Variants in GPC5 observed in about 807,000 individuals in gnomAD.
The protein encoded by GPC5 is glypican 5.
In GPC5, 47 loss-of-function variants were observed where a neutral mutation model predicts 53.9. The ratio of observed to expected loss-of-function variants is 0.87; its 90% CI spans 0.69 to 1.11. The LOEUF (loss-of-function observed/expected upper bound fraction) is 1.11. Ranked by LOEUF, GPC5 falls within the 50% of genes most tolerant of loss-of-function variation. GPC5 has a pLI of 0.00. For missense variants in GPC5, 748 were observed against 713.1 expected (o/e 1.05, Z -0.56); for synonymous variants, 286 against 263.3 (o/e 1.09, Z -0.84).
chr13:92,328,971 A>T (rs1239082486), intron 7 of GPC5, among the ~76,000 whole-genome samples: 1 of 151,926 alleles, frequency 6.6e-6, no homozygotes, highest in Non-Finnish European at 1.5e-5. Context: ...CTGCCATGCA[A>T]CTCCTGATTT....
chr13:92,220,209 C>G (rs1178977363), intron 7 of GPC5, among the ~76,000 whole-genome samples: 1 of 152,002 alleles, frequency 6.6e-6, no homozygotes. Flanking sequence ...TACTTGAGCA[C>G]CAGCCTCTAG....
At chr13:91,469,930 C>T (rs1882503983) in intron 2 of GPC5, among the ~76,000 whole-genome samples, 2 of 152,098 alleles carry the variant, frequency 1.3e-5, no homozygotes, top group African/African-American at 4.8e-5. Flanking sequence ...ATTCCAGCTT[C>T]TCAGGAGGCT....
At chr13:91,789,830 T>C (rs887047985) in intron 5 of GPC5, among the ~76,000 whole-genome samples, 1 of 152,156 alleles carries the variant, frequency 6.6e-6, no homozygotes, top group Non-Finnish European at 1.5e-5. Flanking sequence ...AGTTTAAGCT[T>C]GGATAGCTGC....
intron 6 of GPC5, among the ~76,000 whole-genome samples, chr13:91,931,373 G>A (rs1247843890): frequency 5.3e-5 from 8 of 151,992 alleles, no homozygotes; most frequent in Non-Finnish European, 7.4e-5. Flanking sequence ...TATAATTTTA[G>A]GATGGTTTCA....
At chr13:92,647,089 C>T (rs1417500721) in intron 7 of GPC5, among the ~76,000 whole-genome samples, 7 of 151,770 alleles carry the variant, frequency 4.6e-5, no homozygotes, top group Non-Finnish European at 2.9e-5. Context: ...TTTGTTTTTC[C>T]CAGACTGCAT....
chr13:92,489,637 TA>T (rs1879684775), intron 7 of GPC5, among the ~76,000 whole-genome samples: 2 of 152,146 alleles, frequency 1.3e-5, no homozygotes. Context: ...AGTTTGCCAT[TA>T]AGCTTGCCAT....
chr13:92,820,423 T>C (rs1877634163), intron 7 of GPC5, among the ~76,000 whole-genome samples: 1 of 152,196 alleles, frequency 6.6e-6, no homozygotes, highest in Non-Finnish European at 1.5e-5. Context: ...CTGAATTGCA[T>C]CTTGTTCACA....
intron 5 of GPC5, among the ~76,000 whole-genome samples, chr13:91,868,777 G>T (rs1331617541): frequency 3.3e-5 from 5 of 152,056 alleles, no homozygotes. Context: ...GAGGGGAAGT[G>T]GGGTATTTAT....
At chr13:92,019,734 G>A (rs974301627) in intron 6 of GPC5, among the ~76,000 whole-genome samples, 1 of 151,984 alleles carries the variant, frequency 6.6e-6, no homozygotes, top group Non-Finnish European at 1.5e-5. Flanking sequence ...TAAAAGAGAT[G>A]GCATTTGGTG....
chr13:92,243,464 C>G (rs950841361), intron 7 of GPC5, among the ~76,000 whole-genome samples: 12 of 152,056 alleles, frequency 7.9e-5, no homozygotes, highest in African/African-American at 2.4e-4. Context: ...GAGGCGTGAG[C>G]ATGGCTTGGG....
chr13:92,104,145 T>TACTG (rs2041488828), intron 6 of GPC5, among the ~76,000 whole-genome samples: 2 of 152,070 alleles, frequency 1.3e-5, no homozygotes, highest in East Asian at 3.9e-4. Flanking sequence ...ACAATGAAAA[T>TACTG]ACTGAGAATG....
intron 1 of GPC5, among the ~76,000 whole-genome samples, chr13:91,437,609 A>G (rs898440565): frequency 6.6e-6 from 1 of 152,048 alleles, no homozygotes; most frequent in Non-Finnish European, 1.5e-5. Context: ...CTTCATTTCA[A>G]CTTTGGTGAA....
chr13:92,728,763 C>A (rs867617167), intron 7 of GPC5, among the ~76,000 whole-genome samples: 1 of 151,236 alleles, frequency 6.6e-6, no homozygotes, highest in Admixed American at 6.6e-5. Flanking sequence ...AATTTCGAAC[C>A]ATTTTAATTC....
At chr13:92,716,579 C>A (rs1888333156) in intron 7 of GPC5, among the ~76,000 whole-genome samples, 1 of 152,068 alleles carries the variant, frequency 6.6e-6, no homozygotes, top group South Asian at 2.1e-4. Context: ...CAGCATAGCT[C>A]TATCCTGGTG....
intron 7 of GPC5, among the ~76,000 whole-genome samples, chr13:92,184,380 T>C (rs147687141): frequency 1.2e-4 from 18 of 152,328 alleles, no homozygotes; most frequent in African/African-American, 4.3e-4. Context: ...TAGAGTTCTT[T>C]AGAACTTTAG....
chr13:92,009,796 T>C (rs1364306321), intron 6 of GPC5, among the ~76,000 whole-genome samples: 3 of 152,170 alleles, frequency 2.0e-5, no homozygotes, highest in Non-Finnish European at 4.4e-5. Flanking sequence ...CAGAGAGCCA[T>C]AGCAATTAAG....
intron 2 of GPC5, among the ~76,000 whole-genome samples, chr13:91,689,173 A>T (rs1192634005): frequency 8.4e-6 from 1 of 119,514 alleles, no homozygotes; most frequent in Non-Finnish European, 1.7e-5. Context: ...TGTCTCAAAA[A>T]ATCATATATA....
chr13:91,728,188 G>A (rs77133161), intron 3 of GPC5, among the ~76,000 whole-genome samples: 1 of 152,050 alleles, frequency 6.6e-6, no homozygotes, highest in East Asian at 1.9e-4. Flanking sequence ...ACAAGTATGT[G>A]ATTAGTTATA....
intron 5 of GPC5, among the ~76,000 whole-genome samples, chr13:91,828,358 G>T (rs1175833891): frequency 2.7e-5 from 4 of 148,542 alleles, no homozygotes; most frequent in Non-Finnish European, 6.0e-5. Context: ...TAGGTAGGTA[G>T]GTAGGTAGGT....
Sources: gnomAD v4.1 joint callset for allele counts (sites outside exome capture counted in the v4.1 genomes callset) on GRCh38, gnomAD v4.1.1 for gene constraint, MANE v1.5 for transcripts, NCBI Gene and HGNC (gene_info 2026-07-23, HGNC 2026-07-21) for gene names.